Variants in FMNL1 observed in about 807,000 individuals in gnomAD.
FMNL1 encodes formin like 1.
FMNL1 carries 43 observed loss-of-function variants against 121.3 expected under a neutral mutation model. That is an observed-to-expected ratio of 0.35 (90% CI 0.28 to 0.46). The LOEUF (loss-of-function observed/expected upper bound fraction) is 0.46. Ranked by LOEUF, FMNL1 falls within the 20% of genes least tolerant of loss-of-function variation. The pLI is 1.00. For synonymous variants in FMNL1, 613 were observed against 613.5 expected, an observed-to-expected ratio of 1.00 and a Z score of 0.01; for missense variants, 1,191 against 1,482.4, an observed-to-expected ratio of 0.80 and a Z score of 3.23.
At chr17:45,240,760 C>T (rs776173523) in intron 12 of FMNL1, 135 bp downstream of exon 12, 9 of 1,308,414 alleles carry the variant, frequency 6.9e-6, no homozygotes, top group Non-Finnish European at 9.2e-6. Flanking sequence ...CTGCCTGGCC[C>T]CAGAGCCTGG....
At chr17:45,225,689 G>A (rs1432946366) in intron 1 of FMNL1, among the ~76,000 whole-genome samples, 1 of 152,152 alleles carries the variant, frequency 6.6e-6, no homozygotes, top group East Asian at 1.9e-4. Context: ...GGCTTGGGGG[G>A]CCTTTGAGGG....
intron 10 of FMNL1, 46 bp from the exon 11 acceptor site, chr17:45,238,909 A>G (rs779882906): frequency 1.3e-6 from 2 of 1,532,326 alleles, no homozygotes; most frequent in Non-Finnish European, 1.8e-6. Flanking sequence ...GCATTGAGCA[A>G]CCCCACCTAG....
chr17:45,245,829 G>T lies in FMNL1; in HGVS notation c.2995-49G>T, dbSNP rs199890983. On this transcript the variant is annotated intron_variant, in intron 23 of 26. Coordinates refer to ENST00000331495, the MANE Select transcript of FMNL1 (RefSeq NM_005892.4). ...GGGGCTGCTTCTGTTTAGGGGGTGG[G>T]TAGGGCAGTAGGGAGGGCCACCCTC... 1.3e-4 allele frequency: 201 copies of T among 1,575,118 alleles called. 1 individual carries two copies. The African/African-American group carries it at 2.4e-3, about 19-fold the overall frequency.
At chr17:45,224,703 G>A (rs2043298020) in intron 1 of FMNL1, among the ~76,000 whole-genome samples, 1 of 152,218 alleles carries the variant, frequency 6.6e-6, no homozygotes, top group South Asian at 2.1e-4. Flanking sequence ...ATGCAAGGGT[G>A]GGTGGTGGGG....
At chr17:45,245,205 G>A in intron 21 of FMNL1, 48 bp from the exon 22 acceptor site, 1 of 1,612,870 alleles carries the variant, frequency 6.2e-7, no homozygotes, top group Non-Finnish European at 8.5e-7. Flanking sequence ...TGGTGGGAGG[G>A]CTGCCTCTCC....
chr17:45,225,374 G>A (rs1484386992), intron 1 of FMNL1, among the ~76,000 whole-genome samples: 1 of 152,244 alleles, frequency 6.6e-6, no homozygotes, highest in Non-Finnish European at 1.5e-5. Context: ...TCCGGGACAG[G>A]GCAGATGAAG....
chr17:45,238,421 A>T, intron 9 of FMNL1, 143 bp from the exon 10 acceptor site: 1 of 738,026 alleles, frequency 1.4e-6, no homozygotes. Context: ...ATTGAGAGGG[A>T]GTGGAGGTTT....
At chr17:45,229,473 G>T (rs1312441256) in intron 1 of FMNL1, among the ~76,000 whole-genome samples, 1 of 152,222 alleles carries the variant, frequency 6.6e-6, no homozygotes, top group Non-Finnish European at 1.5e-5. Context: ...TGTGGAGCGT[G>T]AACCACCATG....
chr17:45,234,323 C>T (rs917533888), intron 6 of FMNL1, 123 bp downstream of exon 6: 9 of 1,511,800 alleles, frequency 6.0e-6, no homozygotes, highest in South Asian at 3.5e-5. Context: ...ATTAGGGGTC[C>T]GAGTAAGGGA....
At position 45,231,228 on chromosome 17, in the gene FMNL1, A is replaced by C. The variant is rs2043429751; in HGVS notation, c.213+541A>C. Among the ~76,000 whole-genome samples the C allele has an allele frequency of 1.3e-5, 2 of 152,174 alleles. No homozygotes were observed. Among genetic ancestry groups the C allele is most frequent in the African/African-American group, 4.8e-5 (2 of 41,444 alleles). On this transcript the variant is annotated intron_variant, in intron 2 of 26. Coordinates refer to ENST00000331495, the MANE Select transcript of FMNL1 (RefSeq NM_005892.4). The surrounding 1 kb of genome is among the most constrained non-coding windows in gnomAD (Gnocchi z 4.7). ...GTCACTCAGCTGTCCCCACCCCTCC[A>C]GCTTCAAGGGCTGCGGTCGGCCATG...
intron 18 of FMNL1, 38 bp from the exon 19 acceptor site, chr17:45,244,138 G>A (rs2043773872): frequency 1.9e-6 from 3 of 1,611,216 alleles, no homozygotes; most frequent in Non-Finnish European, 2.5e-6. Context: ...AGATGGAGGA[G>A]GCTCCAACTT....
chr17:45,233,189 T>C lies in FMNL1; in HGVS notation c.328-35T>C. On this transcript the variant is annotated intron_variant, in intron 3 of 26. Transcript: ENST00000331495. This position sits in a 1 kb window ranked among gnomAD's most constrained non-coding sequence, Gnocchi z 4.1. ...TTGGTGGGCCTGTGGGAGGCCGGGC[T>C]CCACCCACCAGCCTTCCCTGTTCTC... 8 of 1,549,278 alleles carry C rather than the reference T, an allele frequency of 5.2e-6. No homozygotes were observed. Among genetic ancestry groups the C allele is most frequent in the Non-Finnish European group, 7.0e-6 (8 of 1,145,124 alleles).
At chr17:45,240,930 C>A in intron 12 of FMNL1, 199 bp from the exon 13 acceptor site, 1 of 723,774 alleles carries the variant, frequency 1.4e-6, no homozygotes, top group African/African-American at 1.8e-5. Context: ...CCCTCCACCT[C>A]CCGCATCACT....
rs772962912 is a variant in FMNL1 at position 45,237,511 on chromosome 17, G to T, written c.801-35G>T. On this transcript the variant is annotated intron_variant, in intron 8 of 26. Transcript: ENST00000331495. The surrounding 1 kb of genome is among the most constrained non-coding windows in gnomAD (Gnocchi z 4.4). ...CCCACCCTTGCCGCGGGTCCTGCCT[G>T]TTCTCAAGGGACAACCTGCCCCTTC... The T allele has an allele frequency of 1.2e-6, 2 of 1,613,636 alleles. No homozygotes were observed. Among genetic ancestry groups the T allele is most frequent in the Non-Finnish European group, 1.7e-6 (2 of 1,179,578 alleles).
At chr17:45,239,107 G>A (rs368088141) in intron 11 of FMNL1, 42 bp downstream of exon 11, 5 of 1,500,614 alleles carry the variant, frequency 3.3e-6, no homozygotes, top group African/African-American at 2.8e-5. Flanking sequence ...GCCTGCCCAC[G>A]GCAGAGTATG....
intron 1 of FMNL1, among the ~76,000 whole-genome samples, chr17:45,222,700 C>T (rs904728397): frequency 1.3e-5 from 2 of 152,124 alleles, no homozygotes; most frequent in African/African-American, 2.4e-5. Flanking sequence ...GTGTTGGGTC[C>T]TGATTTGTTG....
At chr17:45,245,154 G>A in intron 21 of FMNL1, 46 bp downstream of exon 21, 1 of 1,610,414 alleles carries the variant, frequency 6.2e-7, no homozygotes, top group Non-Finnish European at 8.5e-7. Context: ...GCCGTGGGCT[G>A]GGGTAGGTTG....
At chr17:45,244,339 C>A in intron 19 of FMNL1, 95 bp downstream of exon 19, 1 of 1,401,746 alleles carries the variant, frequency 7.1e-7, no homozygotes, top group Non-Finnish European at 9.8e-7. Flanking sequence ...ACAAAGATAA[C>A]ATTCCCACTT....
Position 45,243,178 on chromosome 17 carries a change from G to T in FMNL1, c.2071G>T (p.Asp691Tyr). The part of the protein sequence containing the change: ...FKTKSQGPSL[D>Y]LSALKSKAAQ... The stretch of plus-strand genomic sequence containing the variant: ...GACCAAGTCCCAAGGCCCCAGCCTG[G>T]ACCTCAGCGCTCTCAAGAGTAAGGC... The change falls in exon 17 of 27, where the codon GAC (aspartate) becomes TAC (tyrosine). Residue 691 changes from aspartate (D) to tyrosine (Y), a missense_variant. By Grantham distance (160) the Asp-to-Tyr change is radical. Coordinates refer to ENST00000331495, the MANE Select transcript of FMNL1 (RefSeq NM_005892.4). 1 of 1,614,236 alleles carries T rather than the reference G, an allele frequency of 6.2e-7. No individual in the cohort carries two copies. Among genetic ancestry groups the T allele is most frequent in the Non-Finnish European group, 8.5e-7 (1 of 1,180,042 alleles).
Sources: allele counts gnomAD v4.1 joint callset (sites outside exome capture counted in the v4.1 genomes callset), GRCh38; gene constraint gnomAD v4.1.1; non-coding constraint Gnocchi (gnomAD v3.1); transcripts MANE v1.5; gene names NCBI Gene and HGNC (gene_info 2026-07-23, HGNC 2026-07-21).